The following PRKACB variants were observed in gnomAD, a reference collection of about 807,000 sequenced individuals.
PRKACB encodes protein kinase cAMP-activated catalytic subunit beta.
Under a neutral mutation model 51.4 loss-of-function variants are expected in PRKACB, and 16 were observed. The ratio of observed to expected loss-of-function variants is 0.31; its 90% confidence interval spans 0.21 to 0.47. PRKACB has a LOEUF of 0.47. Among genes scored for constraint, PRKACB ranks in the 20% least tolerant of loss-of-function variants. PRKACB has a pLI of 1.00. For synonymous variants in PRKACB, 147 were observed against 154.4 expected, an observed-to-expected ratio of 0.95 and a Z score of 0.35; for missense variants, 309 against 464.5, an observed-to-expected ratio of 0.67 and a Z score of 3.08.
intron 1 of PRKACB, among the ~76,000 whole-genome samples, chr1:84,145,873 T>C (rs2100607324): frequency 6.6e-6 from 1 of 152,160 alleles, no homozygotes. Flanking sequence ...ATTTCAAGTA[T>C]GTTTTAATTT....
intron 8 of PRKACB, among the ~76,000 whole-genome samples, chr1:84,212,369 G>A (rs1672267762): frequency 6.8e-6 from 1 of 147,308 alleles, no homozygotes; most frequent in South Asian, 2.1e-4. Context: ...TAGCACAAAA[G>A]TGGCAGTCAA....
chr1:84,137,426 T>G (rs1652939396), intron 1 of PRKACB, among the ~76,000 whole-genome samples: 1 of 152,156 alleles, frequency 6.6e-6, no homozygotes, highest in African/African-American at 2.4e-5. Flanking sequence ...GTTGTGAAAT[T>G]ATTGGATACA....
At chr1:84,186,665 A>G (rs906992588) in intron 5 of PRKACB, among the ~76,000 whole-genome samples, 27 of 152,216 alleles carry the variant, frequency 1.8e-4, no homozygotes, top group African/African-American at 6.5e-4. Context: ...CTCTGAAAGC[A>G]TTGCTTGTCA....
intron 1 of PRKACB, among the ~76,000 whole-genome samples, chr1:84,109,900 T>TTTCCTTA (rs1484123090): frequency 6.6e-6 from 1 of 151,956 alleles, no homozygotes; most frequent in Non-Finnish European, 1.5e-5. Context: ...TGTTATAAAC[T>TTTCCTTA]TTCCTTATTT....
At chr1:84,164,073 C>A (rs1029242399) in intron 1 of PRKACB, among the ~76,000 whole-genome samples, 2 of 151,992 alleles carry the variant, frequency 1.3e-5, no homozygotes, top group South Asian at 2.1e-4. Flanking sequence ...TGGATGGCAT[C>A]TGACACTGTT....
chr1:84,124,152 T>G (rs184990992), intron 1 of PRKACB, among the ~76,000 whole-genome samples: 3 of 152,322 alleles, frequency 2.0e-5, no homozygotes, highest in African/African-American at 7.2e-5. Flanking sequence ...TGTGTTAGAT[T>G]CTGGTAAGAA....
rs772119278 is a variant in PRKACB, at chr1:84,219,227, GT to G, written c.1071+4924del. Among the ~76,000 whole-genome samples, 201 of 140,026 alleles carry G rather than the reference GT, an allele frequency of 1.4e-3. 2 individuals carry two copies. The highest frequency in any genetic ancestry group is 3.3e-3 in the East Asian group (16 of 4,916). 91.9% of individuals were successfully genotyped at this position (140,026 alleles called of 152,430 possible). ...AAAATCTTTTTTGTTTGTTTATTAG[GT>G]TTTTTTTTTTTTTGAGTTGGAGTTT... On this transcript the variant is annotated intron_variant, in intron 9 of 9. Coordinates refer to ENST00000370685, the MANE Select transcript of PRKACB (RefSeq NM_182948.4).
At chr1:84,111,494 A>T (rs940782101) in intron 1 of PRKACB, among the ~76,000 whole-genome samples, 2 of 152,176 alleles carry the variant, frequency 1.3e-5, no homozygotes, top group African/African-American at 4.8e-5. Flanking sequence ...GGATTATTAA[A>T]GATTTACTGT....
chr1:84,084,271 A>G (rs1018322654), intron 1 of PRKACB, among the ~76,000 whole-genome samples: 1 of 152,166 alleles, frequency 6.6e-6, no homozygotes, highest in African/African-American at 2.4e-5. Flanking sequence ...ATTCAGGATA[A>G]GGAAGTAAGT....
intron 1 of PRKACB, chr1:84,165,068 G>A (rs1656949197): frequency 7.5e-7 from 1 of 1,339,298 alleles, no homozygotes; most frequent in African/African-American, 1.5e-5. Context: ...ATATTTATAA[G>A]AGGAAAAAAT....
At chr1:84,224,019 G>A (rs189181147) in intron 9 of PRKACB, among the ~76,000 whole-genome samples, 3 of 152,300 alleles carry the variant, frequency 2.0e-5, no homozygotes, top group Admixed American at 2.0e-4. Flanking sequence ...ATGTTGGTTT[G>A]TTGGGCAGTT....
chr1:84,166,410 G>T (rs1434523603), intron 1 of PRKACB, among the ~76,000 whole-genome samples: 1 of 151,644 alleles, frequency 6.6e-6, no homozygotes, highest in Non-Finnish European at 1.5e-5. Flanking sequence ...TTTACAACAG[G>T]ATGGATTGGA....
intron 1 of PRKACB, among the ~76,000 whole-genome samples, chr1:84,093,876 A>G (rs1278273955): frequency 8.6e-5 from 13 of 151,896 alleles, no homozygotes; most frequent in Non-Finnish European, 1.5e-5. Flanking sequence ...TGTTACTATA[A>G]AGGGTATCAG....
At chr1:84,225,083 G>A (rs1164111402) in intron 9 of PRKACB, among the ~76,000 whole-genome samples, 4 of 152,184 alleles carry the variant, frequency 2.6e-5, no homozygotes, top group Non-Finnish European at 5.9e-5. Flanking sequence ...ACTAGGAGGG[G>A]TGGCACTTAA....
chr1:84,163,966 A>C, intron 1 of PRKACB, among the ~76,000 whole-genome samples: 1 of 151,966 alleles, frequency 6.6e-6, no homozygotes, highest in African/African-American at 2.4e-5. Flanking sequence ...CTTGCTATAC[A>C]ATCTGTCATC....
At chr1:84,164,216 G>T in intron 1 of PRKACB, 1 of 1,351,412 alleles carries the variant, frequency 7.4e-7, no homozygotes, top group Admixed American at 2.8e-5. Context: ...TAACATTTGT[G>T]CTGCAGTATA....
At chr1:84,089,054 G>A (rs1207584302) in intron 1 of PRKACB, among the ~76,000 whole-genome samples, 1 of 152,102 alleles carries the variant, frequency 6.6e-6, no homozygotes, top group Non-Finnish European at 1.5e-5. Context: ...GTACTACATT[G>A]CTTTTTCAAC....
At chr1:84,120,437 C>G (rs1650966957) in intron 1 of PRKACB, among the ~76,000 whole-genome samples, 1 of 151,902 alleles carries the variant, frequency 6.6e-6, no homozygotes. Flanking sequence ...TGCGTATCAG[C>G]AGGTTGGAAG....
chr1:84,144,425 T>G lies in PRKACB; in HGVS notation c.64T>G (p.Leu22Val). ...YTGTTTALQK[L>V]EGFASRLFHR... is the part of the protein sequence containing the mutation. ...AGGTACAACTACAGCTCTTCAGAAA[T>G]TGGAAGGTTTTGCTAGCCGGTTATT... is the stretch of plus-strand genomic sequence containing the variant. Residue 22 changes from leucine to valine, a missense_variant, in exon 1 of 10, where the codon TTG (leucine) becomes GTG (valine). Leu to Val is a conservative substitution (Grantham distance 32). Around this residue, in one of 3 missense-constraint regions of PRKACB, gnomAD observed 153 missense variants for 190.2 expected, o/e 0.80. Transcript: ENST00000370685. 6.2e-7 allele frequency: 1 copy of G among 1,613,204 alleles called. No homozygotes were observed. Among genetic ancestry groups the G allele is most frequent in the Non-Finnish European group, 8.5e-7 (1 of 1,179,598 alleles).
Sources: allele counts gnomAD v4.1 joint callset (sites outside exome capture counted in the v4.1 genomes callset), GRCh38; gene constraint gnomAD v4.1.1; regional missense constraint gnomAD v4.1.1; transcripts MANE v1.5; gene names NCBI Gene and HGNC (gene_info 2026-07-23, HGNC 2026-07-21).